The following JPH3 variants were observed in gnomAD, a reference collection of about 807,000 sequenced individuals.
JPH3 encodes junctophilin-3.
Under a neutral mutation model 59.6 loss-of-function variants are expected in JPH3, and 11 were observed. The observed-to-expected ratio is 0.18, with a 90% CI of 0.12 to 0.31. The LOEUF is 0.31. JPH3 is among the 10% of genes least tolerant of loss of function. JPH3 has a pLI of 1.00. For synonymous variants in JPH3, 673 were observed against 483.6 expected (o/e 1.39, Z -5.14); for missense variants, 1,202 against 1,105.7 (o/e 1.09, Z -1.24).
chr16:87,694,394 G>A (rs1448345431), intron 4 of JPH3: 1 of 152,220 alleles, frequency 6.6e-6, no homozygotes, highest in African/African-American at 2.4e-5. Context: ...ACTGACCCAG[G>A]AGACAAAAGG....
At chr16:87,635,891 C>A (rs756625894) in intron 1 of JPH3, among the ~76,000 whole-genome samples, 1 of 152,224 alleles carries the variant, frequency 6.6e-6, no homozygotes, top group African/African-American at 2.4e-5. Context: ...GCAGCCACAC[C>A]CTCCTGAGAG....
chr16:87,677,215 C>CAT (rs2033169208), intron 2 of JPH3, among the ~76,000 whole-genome samples: 2 of 125,650 alleles, frequency 1.6e-5, no homozygotes, highest in African/African-American at 6.7e-5. Context: ...CACACACACA[C>CAT]ACACACACAC....
intron 2 of JPH3, 142 bp downstream of exon 2, chr16:87,645,177 C>T: frequency 1.2e-6 from 1 of 866,118 alleles, no homozygotes; most frequent in Non-Finnish European, 1.7e-6. Flanking sequence ...ACTATGCCCC[C>T]ATGGAACCCT....
intron 2 of JPH3, among the ~76,000 whole-genome samples, chr16:87,677,333 T>A (rs1164083446): frequency 6.7e-6 from 1 of 149,272 alleles, no homozygotes; most frequent in Non-Finnish European, 1.5e-5. Context: ...CAGTGAGCCG[T>A]GATCATGCCA....
rs906118235 is a variant in JPH3 at position 87,644,324 on chromosome 16, A to G, written c.449A>G (p.Tyr150Cys). 9 of 1,612,756 alleles carry G rather than the reference A, an allele frequency of 5.6e-6. No homozygotes were observed. Among genetic ancestry groups the G allele is most frequent in the Non-Finnish European group, 6.8e-6 (8 of 1,179,916 alleles). The change falls in exon 2 of 5, where the codon TAT (tyrosine) becomes TGT (cysteine). Residue 150 changes from tyrosine to cysteine, a missense_variant. Coordinates refer to ENST00000284262, the MANE Select transcript of JPH3 (RefSeq NM_020655.4). ...TACGGCGTCCGGCAGAGCGTCCCGT[A>G]TGGCATGGCCGCGGTCATCCGCTCA... is the stretch of plus-strand genomic sequence containing the variant. ...QGYGVRQSVP[Y>C]GMAAVIRSPL...
intron 1 of JPH3, 137 bp downstream of exon 1, chr16:87,603,665 T>G: frequency 8.0e-6 from 9 of 1,122,488 alleles, no homozygotes; most frequent in African/African-American, 1.6e-5. Flanking sequence ...CGGGCTTCCC[T>G]GGAAGCCACG....
rs2033508362 is a variant in JPH3 at position 87,689,659 on chromosome 16, G to C, written c.1299G>C (p.Gln433His). 4 of 1,611,920 alleles carry C rather than the reference G, an allele frequency of 2.5e-6. No individual in the cohort carries two copies. In the South Asian group the frequency reaches 3.3e-5, roughly 13 times the overall value. ...GTCCCCATACAGGGCTGGAGTACCAGAGGCCGAAGCGTCAGACCTCCTGTG... is the reference window on the plus strand; with the variant it reads ...GTCCCCATACAGGGCTGGAGTACCACAGGCCGAAGCGTCAGACCTCCTGTG... ...FQHRENGLEYQRPKRQTSCDD... is the reference protein window; with the variant it reads ...FQHRENGLEYHRPKRQTSCDD... The change falls in exon 4 of 5, where the codon CAG becomes CAC. Residue 433 changes from glutamine to histidine, a missense_variant. Gln to His is a conservative substitution (Grantham distance 24). Transcript: ENST00000284262.
chr16:87,658,394 T>C (rs1429055734), intron 2 of JPH3, among the ~76,000 whole-genome samples: 1 of 147,080 alleles, frequency 6.8e-6, no homozygotes, highest in East Asian at 2.0e-4. Flanking sequence ...CTTTCTCTTT[T>C]CCTCCCTCTC....
intron 1 of JPH3, among the ~76,000 whole-genome samples, chr16:87,617,155 G>A (rs530055884): frequency 5.9e-5 from 9 of 152,264 alleles, no homozygotes; most frequent in Admixed American, 2.6e-4. Flanking sequence ...CCTGGGAGGC[G>A]GAGGTTGCAG....
chr16:87,690,088 G>C lies in JPH3; in HGVS notation c.1728G>C (p.Thr576=). Residue 576 remains threonine (T), a synonymous_variant, in exon 4 of 5, where the codon ACG becomes ACC. Transcript: ENST00000284262. ...PGNPKPRERR[T]ESPPVFTWTS... ...ACCCCAAGCCGCGGGAGCGGCGGAC[G>C]GAGTCACCCCCCGTGTTCACGTGGA... The C allele has an allele frequency of 6.4e-7, 1 of 1,567,918 alleles. No individual in the cohort carries two copies. Among genetic ancestry groups the C allele is most frequent in the Non-Finnish European group, 8.6e-7 (1 of 1,157,796 alleles).
intron 1 of JPH3, among the ~76,000 whole-genome samples, chr16:87,628,342 T>C (rs901429797): frequency 6.6e-6 from 1 of 152,224 alleles, no homozygotes; most frequent in African/African-American, 2.4e-5. Flanking sequence ...GGCTGCCACC[T>C]TGGGCGGTGC....
chr16:87,612,172 C>T lies in JPH3; in HGVS notation c.382+8644C>T, dbSNP rs1864154. ...GGGCTGGCTCCGTCTGTCGTCCTGG[C>T]GTGCAATAGTGTGTGATCGTGGCTC... On this transcript the variant is annotated intron_variant, in intron 1 of 4. Transcript: ENST00000284262. Among the ~76,000 whole-genome samples, 8 of 152,004 alleles carry T rather than the reference C, an allele frequency of 5.3e-5. 1 individual carries two copies. Among genetic ancestry groups the T allele is most frequent in the Non-Finnish European group, 5.9e-5 (4 of 67,954 alleles).
intron 2 of JPH3, among the ~76,000 whole-genome samples, chr16:87,659,179 G>A (rs539365516): frequency 6.6e-6 from 1 of 151,952 alleles, no homozygotes; most frequent in Non-Finnish European, 1.5e-5. Flanking sequence ...TTAGAGACCA[G>A]CCTGGCCAAC....
chr16:87,687,555 G>A (rs2033447757), intron 3 of JPH3, among the ~76,000 whole-genome samples: 1 of 152,230 alleles, frequency 6.6e-6, no homozygotes, highest in Non-Finnish European at 1.5e-5. Context: ...CACTTCCGGT[G>A]CCATCCGCCC....
At chr16:87,681,750 C>T (rs910939266) in intron 2 of JPH3, among the ~76,000 whole-genome samples, 6 of 152,144 alleles carry the variant, frequency 3.9e-5, no homozygotes, top group African/African-American at 7.2e-5. Flanking sequence ...GAAGGTGTCC[C>T]CGGGGCAGGA....
intron 2 of JPH3, among the ~76,000 whole-genome samples, chr16:87,659,597 G>A (rs1438016921): frequency 6.6e-6 from 1 of 151,830 alleles, no homozygotes; most frequent in East Asian, 1.9e-4. Flanking sequence ...AGTGGGTGTG[G>A]TGACAGGTGC....
At chr16:87,650,449 A>G (rs561200713) in intron 2 of JPH3, among the ~76,000 whole-genome samples, 16 of 152,288 alleles carry the variant, frequency 1.1e-4, no homozygotes, top group South Asian at 8.3e-4. Context: ...TAACACTCCA[A>G]TGGTCTCTAA....
intron 2 of JPH3, among the ~76,000 whole-genome samples, chr16:87,670,265 G>C (rs556606958): frequency 6.6e-6 from 1 of 152,314 alleles, no homozygotes; most frequent in African/African-American, 2.4e-5. Flanking sequence ...TGTCAGAATG[G>C]TGGTGCCTCC....
At chr16:87,683,345 C>A (rs2033341130) in intron 2 of JPH3, among the ~76,000 whole-genome samples, 1 of 151,870 alleles carries the variant, frequency 6.6e-6, no homozygotes, top group African/African-American at 2.4e-5. Context: ...TGCTCTGTCA[C>A]CCAGGCTGGA....
Sources: gnomAD v4.1 joint callset for allele counts (sites outside exome capture counted in the v4.1 genomes callset) on GRCh38, gnomAD v4.1.1 for gene constraint, MANE v1.5 for transcripts, NCBI Gene and HGNC (gene_info 2026-07-23, HGNC 2026-07-21) for gene names.